The following ABLIM1 variants were observed in gnomAD, a reference collection of about 807,000 sequenced individuals.
ABLIM1 encodes the protein actin binding LIM protein 1, also known as actin-binding LIM protein 1.
ABLIM1 carries 40 observed loss-of-function variants against 107.0 expected under a neutral mutation model. That is an observed-to-expected ratio of 0.37 (90% CI 0.29 to 0.49). The LOEUF (loss-of-function observed/expected upper bound fraction) is 0.49, where lower values mean the gene tolerates loss of function less well. ABLIM1 is among the 20% of genes least tolerant of loss of function. The pLI, the probability that ABLIM1 is intolerant of heterozygous loss-of-function variation, is 0.97. For synonymous variants in ABLIM1, 357 were observed against 357.3 expected (o/e 1.00, Z 0.01); for missense variants, 857 against 1,008.5 (o/e 0.85, Z 2.04).
intron 1 of ABLIM1, among the ~76,000 whole-genome samples, chr10:114,729,341 T>C (rs1334955039): frequency 6.6e-6 from 1 of 152,116 alleles, no homozygotes; most frequent in Admixed American, 6.5e-5. Flanking sequence ...GTTCTCACGC[T>C]GACCACACCA....
intron 2 of ABLIM1, among the ~76,000 whole-genome samples, chr10:114,584,520 G>A (rs534387922): frequency 2.6e-5 from 4 of 152,056 alleles, no homozygotes; most frequent in African/African-American, 9.6e-5. Flanking sequence ...TACCACACAC[G>A]GCAGCTCAAA....
rs549947584 is a variant in ABLIM1, at chr10:114,466,917, G to T, written c.1312-1090C>A. ...CTCATGCCTGTAATTTCAGCACTCTGGGAGGCCAAGGTGGGTGGATCACCT... is the reference window on the plus strand; with the variant it reads ...CTCATGCCTGTAATTTCAGCACTCTTGGAGGCCAAGGTGGGTGGATCACCT... On this transcript the variant is annotated intron_variant, in intron 11 of 22. Transcript: ENST00000533213. Among the ~76,000 whole-genome samples the T allele has an allele frequency of 4.6e-5, 7 of 152,256 alleles. No homozygotes were observed. In the East Asian group the frequency reaches 1.4e-3, roughly 29 times the overall value.
intron 1 of ABLIM1, among the ~76,000 whole-genome samples, chr10:114,714,856 G>A (rs548359611): frequency 6.6e-6 from 1 of 152,126 alleles, no homozygotes; most frequent in Non-Finnish European, 1.5e-5. Context: ...ATATCTAGAC[G>A]AGGGATTGTT....
chr10:114,504,666 C>T (rs1203794678), intron 6 of ABLIM1, among the ~76,000 whole-genome samples: 1 of 152,120 alleles, frequency 6.6e-6, no homozygotes, highest in African/African-American at 2.4e-5. Context: ...ATAAGGGCTA[C>T]CCCAGTTTCT....
At chr10:114,622,288 C>T (rs1202907947) in intron 1 of ABLIM1, among the ~76,000 whole-genome samples, 2 of 149,988 alleles carry the variant, frequency 1.3e-5, no homozygotes, top group African/African-American at 4.9e-5. Flanking sequence ...ACTCTATTGC[C>T]CGGGCTGGAG....
At chr10:114,447,642 G>C (rs2061215505) in intron 15 of ABLIM1, among the ~76,000 whole-genome samples, 1 of 152,200 alleles carries the variant, frequency 6.6e-6, no homozygotes, top group Non-Finnish European at 1.5e-5. Context: ...TTTTAGACCA[G>C]TTCTGGATCC....
chr10:114,545,611 T>C (rs1408302898), intron 5 of ABLIM1, among the ~76,000 whole-genome samples: 4 of 152,154 alleles, frequency 2.6e-5, no homozygotes, highest in Non-Finnish European at 5.9e-5. Context: ...TGTTAATGTA[T>C]ATAATACATA....
At chr10:114,521,891 C>G (rs1014166363) in intron 6 of ABLIM1, among the ~76,000 whole-genome samples, 1 of 152,104 alleles carries the variant, frequency 6.6e-6, no homozygotes, top group Admixed American at 6.6e-5. Context: ...CCATGAAGAA[C>G]CTAAAACAGA....
chr10:114,658,382 G>T, upstream of ABLIM1: 1 of 1,199,336 alleles, frequency 8.3e-7, no homozygotes, highest in Non-Finnish European at 1.1e-6. Flanking sequence ...CATATTCTCA[G>T]TCAGATGACT....
In ABLIM1 at chr10:114,575,318, A is replaced by G. The variant is rs1436402131; in HGVS notation, c.563+98T>C. On this transcript the variant is annotated intron_variant, in intron 3 of 22. Coordinates refer to ENST00000533213, the MANE Select transcript of ABLIM1 (RefSeq NM_002313.7). The stretch of plus-strand genomic sequence containing the variant: ...AAATCTAAGGATAAGAGTATGTGCT[A>G]CTCAAGACAAAAGGTGTATAATCCA... 25 of 1,330,176 alleles carry G rather than the reference A, an allele frequency of 1.9e-5. No individual in the cohort carries two copies. The East Asian group carries it at 5.1e-4, about 27-fold the overall frequency. 82.4% of individuals were successfully genotyped at this position (1,330,176 alleles called of 1,614,324 possible). A position where few individuals can be genotyped will look rare whatever the true frequency, so the allele number is the denominator to read the frequency against.
chr10:114,768,030 A>G (rs2082948141), intron 1 of ABLIM1: 1 of 428,008 alleles, frequency 2.3e-6, no homozygotes, highest in Admixed American at 2.5e-5. Flanking sequence ...CGCCGGGGTC[A>G]GTGGACGGTG....
At chr10:114,448,523 T>A (rs1332538350) in intron 14 of ABLIM1, among the ~76,000 whole-genome samples, 2 of 152,184 alleles carry the variant, frequency 1.3e-5, no homozygotes, top group Non-Finnish European at 2.9e-5. Context: ...ATCACTTGAC[T>A]GTAGTTGTTA....
At chr10:114,470,817 A>C (rs144861353) in intron 10 of ABLIM1, among the ~76,000 whole-genome samples, 50 of 152,140 alleles carry the variant, frequency 3.3e-4, no homozygotes, top group African/African-American at 1.1e-3. Flanking sequence ...CCCCAAAGTT[A>C]TGTGGTTAGT....
At position 114,491,012 on chromosome 10, in the gene ABLIM1, G is replaced by GTGTGTATGTATATATATA; in HGVS notation, c.982+778_982+779insTATATATATACATACACA. On this transcript the variant is annotated intron_variant, in intron 7 of 22. Transcript: ENST00000533213. ...TGTGTGTGTGTGTGTGTGTGTGTGT[G>GTGTGTATGTATATATATA]TATATATATATATGGTCTATTTTAT... is the stretch of plus-strand genomic sequence containing the variant. Among the ~76,000 whole-genome samples the GTGTGTATGTATATATATA allele has an allele frequency of 1.8e-4, 17 of 92,388 alleles. 1 individual carries two copies. The highest frequency in any genetic ancestry group is 7.4e-4 in the African/African-American group (16 of 21,702). 60.6% of individuals were successfully genotyped at this position (92,388 alleles called of 152,430 possible).
At chr10:114,448,696 C>A (rs1161938882) in intron 14 of ABLIM1, among the ~76,000 whole-genome samples, 2 of 152,008 alleles carry the variant, frequency 1.3e-5, no homozygotes, top group Non-Finnish European at 2.9e-5. Context: ...TCACTGCAAC[C>A]TCTGTCTCCC....
At chr10:114,655,433 G>C (rs2079455187) in intron 1 of ABLIM1, among the ~76,000 whole-genome samples, 1 of 152,226 alleles carries the variant, frequency 6.6e-6, no homozygotes, top group East Asian at 1.9e-4. Context: ...CCTCCCAACA[G>C]ATCTTATCTC....
chr10:114,777,886 T>A, the ABLIM1 span: 4 of 152,264 alleles, frequency 2.6e-5, no homozygotes, highest in Admixed American at 1.3e-4. Context: ...CACAGCTCTC[T>A]CACTAAGGTC....
At chr10:114,783,482 C>G in the ABLIM1 span, among the ~76,000 whole-genome samples, 5 of 151,976 alleles carry the variant, frequency 3.3e-5, no homozygotes, top group South Asian at 1.0e-3. Flanking sequence ...CAAAATTGAT[C>G]CACATAGTGG....
intron 6 of ABLIM1, among the ~76,000 whole-genome samples, chr10:114,495,070 TAGAG>T (rs1289763469): frequency 2.0e-5 from 3 of 152,188 alleles, no homozygotes; most frequent in South Asian, 2.1e-4. Flanking sequence ...GTGCCCTTCT[TAGAG>T]AGAAGACAGC....
Sources: allele counts gnomAD v4.1 joint callset (sites outside exome capture counted in the v4.1 genomes callset), GRCh38; gene constraint gnomAD v4.1.1; transcripts MANE v1.5; gene names NCBI Gene and HGNC (gene_info 2026-07-23, HGNC 2026-07-21).